Variants in XRCC5 observed in about 807,000 individuals in gnomAD.
The protein encoded by XRCC5 is X-ray repair cross complementing 5, also known as DNA repair protein Ku80.
Under a neutral mutation model 95.7 loss-of-function variants are expected in XRCC5, and 12 were observed. The observed-to-expected ratio is 0.13, with a 90% CI of 0.08 to 0.20. XRCC5 has a LOEUF of 0.20. XRCC5 is among the 10% of genes least tolerant of loss of function. The probability of loss-of-function intolerance (pLI) is 1.00; values close to 1 mark genes in which losing one functional copy is unlikely to be tolerated. For missense variants in XRCC5, 595 were observed against 873.9 expected, an observed-to-expected ratio of 0.68 and a Z score of 4.02; for synonymous variants, 281 against 290.3, an observed-to-expected ratio of 0.97 and a Z score of 0.33.
chr2:216,112,958 C>A, intron 1 of XRCC5, 58 bp from the exon 2 acceptor site: 1 of 1,350,500 alleles, frequency 7.4e-7, no homozygotes, highest in South Asian at 1.2e-5. Flanking sequence ...AAGGGACATT[C>A]TTACAGTCTT....
rs755409254 is a variant in XRCC5, at chr2:216,205,214, A to G, written c.*12A>G. On this transcript the variant is annotated 3_prime_UTR_variant, in exon 21 of 21. Coordinates refer to ENST00000392132, the MANE Select transcript of XRCC5 (RefSeq NM_021141.4). ...TGGACATGATATAGGTCGTGGATGT[A>G]TGGGGAATCTAAGAGAGCTGCCATC... 12 of 1,613,846 alleles carry G rather than the reference A, an allele frequency of 7.4e-6. No individual in the cohort carries two copies. Among genetic ancestry groups the G allele is most frequent in the Non-Finnish European group, 6.8e-6 (8 of 1,179,870 alleles).
Position 216,117,778 on chromosome 2 carries a change from A to G in XRCC5, c.352A>G (p.Ile118Val). ...TGCACTAATCGTGAGCATGGATGTG[A>G]TTCAACATGAAACAATGTAAGTGTT... The part of the protein sequence containing the change: ...LDALIVSMDV[I>V]QHETIGKKFE... Residue 118 changes from isoleucine (I) to valine (V), a missense_variant, in exon 4 of 21, where the codon ATT becomes GTT. Around this residue, in one of 2 missense-constraint regions of XRCC5, gnomAD observed 286 missense variants for 491.1 expected, o/e 0.58. Transcript: ENST00000392132. 6.2e-7 allele frequency: 1 copy of G among 1,614,170 alleles called. No homozygotes were observed.
At chr2:216,191,920 A>G (rs924506041) in intron 17 of XRCC5, among the ~76,000 whole-genome samples, 6 of 152,222 alleles carry the variant, frequency 3.9e-5, no homozygotes, top group Non-Finnish European at 8.8e-5. Context: ...ATTTGCTTCA[A>G]TATAATTGGA....
intron 6 of XRCC5, among the ~76,000 whole-genome samples, chr2:216,124,124 AT>A (rs1460844962): frequency 3.9e-5 from 6 of 152,238 alleles, no homozygotes; most frequent in African/African-American, 1.4e-4. Flanking sequence ...GAAATAGAAC[AT>A]TACCATCATT....
At chr2:216,152,955 CCTTT>C (rs986099530) in intron 14 of XRCC5, among the ~76,000 whole-genome samples, 7 of 152,170 alleles carry the variant, frequency 4.6e-5, no homozygotes, top group African/African-American at 1.7e-4. Flanking sequence ...ACCACTAACT[CCTTT>C]CTTCTCTCAT....
chr2:216,194,914 T>C lies in XRCC5; in HGVS notation c.2042-5T>C. 6.2e-7 allele frequency: 1 copy of C among 1,614,012 alleles called. No individual in the cohort carries two copies. The highest frequency in any genetic ancestry group is 1.1e-5 in the South Asian group (1 of 91,066). On this transcript the variant is annotated splice_polypyrimidine_tract_variant and splice_region_variant and intron_variant, in intron 18 of 20. Coordinates refer to ENST00000392132, the MANE Select transcript of XRCC5 (RefSeq NM_021141.4). ...TTTGATTTTACTCTCTGAATTACTTTTTAGATGGAATTACTCTGATCACCA... is the reference window on the plus strand; with the variant it reads ...TTTGATTTTACTCTCTGAATTACTTCTTAGATGGAATTACTCTGATCACCA...
intron 12 of XRCC5, among the ~76,000 whole-genome samples, chr2:216,140,574 C>G (rs973501037): frequency 7.2e-5 from 11 of 152,060 alleles, no homozygotes; most frequent in African/African-American, 2.4e-4. Flanking sequence ...TCTCATGGAA[C>G]TTGAGAGTTT....
intron 18 of XRCC5, among the ~76,000 whole-genome samples, chr2:216,193,313 C>G (rs944411493): frequency 6.6e-6 from 1 of 152,128 alleles, no homozygotes; most frequent in Non-Finnish European, 1.5e-5. Context: ...ATGCCCTTTG[C>G]CCCACCTTTT....
chr2:216,122,041 A>G (rs1696821369), intron 5 of XRCC5, 21 bp from the exon 6 acceptor site: 1 of 1,596,866 alleles, frequency 6.3e-7, no homozygotes, highest in South Asian at 1.1e-5. Flanking sequence ...AACACTAACT[A>G]CTGTTGATCT....
At chr2:216,187,014 A>G (rs1162218751) in intron 16 of XRCC5, among the ~76,000 whole-genome samples, 1 of 152,238 alleles carries the variant, frequency 6.6e-6, no homozygotes, top group Non-Finnish European at 1.5e-5. Flanking sequence ...AGCGTCATCC[A>G]TCACAGCTAT....
intron 20 of XRCC5, among the ~76,000 whole-genome samples, chr2:216,204,606 G>A (rs978864454): frequency 1.6e-4 from 25 of 151,996 alleles, no homozygotes; most frequent in African/African-American, 5.3e-4. Flanking sequence ...TCATGGTGTC[G>A]GCTATATTGT....
intron 4 of XRCC5, among the ~76,000 whole-genome samples, chr2:216,118,815 T>G (rs1331046792): frequency 2.6e-5 from 4 of 152,188 alleles, no homozygotes; most frequent in Non-Finnish European, 5.9e-5. Context: ...TCCAGAAACA[T>G]AACATTTCCA....
At chr2:216,187,498 G>A (rs1332618802) in intron 16 of XRCC5, among the ~76,000 whole-genome samples, 1 of 118,258 alleles carries the variant, frequency 8.5e-6, no homozygotes, top group Non-Finnish European at 1.8e-5. Flanking sequence ...GTGTGTGTGT[G>A]TGTGTGTGTG....
chr2:216,109,473 T>C lies in XRCC5; in HGVS notation c.21+16T>C, dbSNP rs1696544595. ...GGGGAATAAGGTATAAAGAAAGCCA[T>C]GGACTTGGGCTTTACCCGGACTGGG... On this transcript the variant is annotated intron_variant, in intron 1 of 20. Transcript: ENST00000392132. The C allele has an allele frequency of 1.2e-6, 2 of 1,613,796 alleles. No homozygotes were observed. Among genetic ancestry groups the C allele is most frequent in the Non-Finnish European group, 1.7e-6 (2 of 1,179,824 alleles).
At chr2:216,178,018 C>T (rs207940) in intron 16 of XRCC5, among the ~76,000 whole-genome samples, 71,047 of 151,942 alleles carry the variant, frequency 0.47, 17,198 homozygotes, top group African/African-American at 0.54. Flanking sequence ...GGGCCTTTTT[C>T]ACCACTGCTC....
At position 216,171,161 on chromosome 2, in the gene XRCC5, G is replaced by C. The variant is rs539267507; in HGVS notation, c.1834+9113G>C. Among the ~76,000 whole-genome samples the C allele has an allele frequency of 1.8e-4, 27 of 152,352 alleles. No homozygotes were observed. The South Asian group carries it at 5.6e-3, about 32-fold the overall frequency. On this transcript the variant is annotated intron_variant, in intron 16 of 20. Transcript: ENST00000392132. ...ACTAATGAACTGAAATGTGTTAAGA[G>C]GAGCCAAGAAACAGCTAGGAGTTCC...
intron 18 of XRCC5, among the ~76,000 whole-genome samples, chr2:216,194,038 T>A (rs567239586): frequency 6.6e-6 from 1 of 152,338 alleles, no homozygotes; most frequent in East Asian, 1.9e-4. Context: ...GCCAGTAACA[T>A]GGCCACAAGA....
chr2:216,110,985 G>C (rs1352887739), intron 1 of XRCC5, among the ~76,000 whole-genome samples: 1 of 151,796 alleles, frequency 6.6e-6, no homozygotes, highest in Non-Finnish European at 1.5e-5. Context: ...CTTTTCATGT[G>C]TTGCCTGAGA....
At chr2:216,162,509 C>T (rs1260644744) in intron 16 of XRCC5, among the ~76,000 whole-genome samples, 1 of 151,448 alleles carries the variant, frequency 6.6e-6, no homozygotes, top group Non-Finnish European at 1.5e-5. Flanking sequence ...TGAAGCGATT[C>T]TCCTACCTCA....
Sources: allele counts gnomAD v4.1 joint callset (sites outside exome capture counted in the v4.1 genomes callset), GRCh38; gene constraint gnomAD v4.1.1; regional missense constraint gnomAD v4.1.1; transcripts MANE v1.5; gene names NCBI Gene and HGNC (gene_info 2026-07-23, HGNC 2026-07-21).